FAM169A: variants seen among roughly 807,000 people sequenced by gnomAD.
FAM169A encodes family with sequence similarity 169 member A.
Under a neutral mutation model 75.7 loss-of-function variants are expected in FAM169A, and 24 were observed. That is an observed-to-expected ratio of 0.32 (90% CI 0.23 to 0.45). The LOEUF (loss-of-function observed/expected upper bound fraction) is 0.45, where lower values mean the gene tolerates loss of function less well. FAM169A is among the 20% of genes least tolerant of loss of function. The probability of loss-of-function intolerance (pLI) is 1.00; values close to 1 mark genes in which losing one functional copy is unlikely to be tolerated. For synonymous variants in FAM169A, 271 were observed against 271.0 expected (o/e 1.00, Z 0.00); for missense variants, 673 against 784.0 (o/e 0.86, Z 1.69).
At chr5:74,831,479 AC>A in intron 5 of FAM169A, among the ~76,000 whole-genome samples, 2 of 152,222 alleles carry the variant, frequency 1.3e-5, no homozygotes, top group South Asian at 4.1e-4. Context: ...AGATTGAATA[AC>A]CCTTACCCAA....
chr5:74,846,493 G>A (rs1749162556), intron 1 of FAM169A, among the ~76,000 whole-genome samples: 1 of 152,068 alleles, frequency 6.6e-6, no homozygotes. Context: ...ATGATACTAT[G>A]GTTCTTAGAA....
intron 1 of FAM169A, among the ~76,000 whole-genome samples, chr5:74,845,822 G>A (rs943570257): frequency 6.6e-6 from 1 of 152,124 alleles, no homozygotes; most frequent in Non-Finnish European, 1.5e-5. Context: ...GGTAGAAAAG[G>A]ATCACAAAAT....
intron 3 of FAM169A, among the ~76,000 whole-genome samples, chr5:74,839,807 A>C (rs2112669478): frequency 6.6e-6 from 1 of 152,270 alleles, no homozygotes. Context: ...TACAGGCATG[A>C]GCCACCGTGC....
rs1450072787 is a variant in FAM169A at position 74,783,052 on chromosome 5, G to T, written c.1343C>A (p.Thr448Asn). 1 of 1,613,490 alleles carries T rather than the reference G, an allele frequency of 6.2e-7. No individual in the cohort carries two copies. Among genetic ancestry groups the T allele is most frequent in the South Asian group, 1.1e-5 (1 of 91,082 alleles). ...TSLITEEEDS[T>N]SEVLDEELKL... ...TAATTCTTCATCTAAAACTTCACTA[G>T]TGGAGTCTTCCTCTTCTGTTATAAG... The change falls in exon 12 of 13, where the codon ACT becomes AAT. Residue 448 changes from threonine to asparagine, a missense_variant. Around this residue, in one of 3 missense-constraint regions of FAM169A, gnomAD observed 510 missense variants for 550.9 expected, o/e 0.93. Coordinates refer to ENST00000687041, the MANE Select transcript of FAM169A (RefSeq NM_001376049.1).
At chr5:74,786,491 G>A (rs542840512) in intron 11 of FAM169A, among the ~76,000 whole-genome samples, 28 of 152,244 alleles carry the variant, frequency 1.8e-4, no homozygotes, top group African/African-American at 6.5e-4. Flanking sequence ...TTAGAGTTAT[G>A]CAAAATAAAT....
chr5:74,829,082 A>G (rs1021232743), intron 5 of FAM169A, among the ~76,000 whole-genome samples: 1 of 152,224 alleles, frequency 6.6e-6, no homozygotes, highest in Non-Finnish European at 1.5e-5. Context: ...TAAAAATATT[A>G]CATAACTTAG....
intron 1 of FAM169A, among the ~76,000 whole-genome samples, chr5:74,864,596 T>C (rs937774276): frequency 2.0e-5 from 3 of 152,256 alleles, no homozygotes; most frequent in African/African-American, 7.2e-5. Flanking sequence ...GTCAGACTAA[T>C]TTGAAGCCTT....
chr5:74,816,465 C>T (rs62366421), intron 5 of FAM169A, among the ~76,000 whole-genome samples: 12,946 of 152,150 alleles, frequency 0.085, 685 homozygotes, highest in Admixed American at 0.17. Context: ...GTTTATGGAA[C>T]AAGCAGTGTG....
chr5:74,799,893 G>C, intron 10 of FAM169A: 1 of 964,330 alleles, frequency 1.0e-6, no homozygotes. Flanking sequence ...GTCTGCCATG[G>C]AATGCTTCTG....
intron 11 of FAM169A, among the ~76,000 whole-genome samples, chr5:74,791,353 C>A (rs1745965202): frequency 6.6e-6 from 1 of 152,208 alleles, no homozygotes; most frequent in Non-Finnish European, 1.5e-5. Context: ...ACCATCACCC[C>A]TAGTGATCCA....
chr5:74,799,160 C>A, intron 10 of FAM169A: 1 of 1,064,780 alleles, frequency 9.4e-7, no homozygotes, highest in African/African-American at 1.5e-5. Flanking sequence ...GGACACATCA[C>A]AGATATTGAC....
chr5:74,796,074 C>T lies in FAM169A; in HGVS notation c.1216G>A (p.Ala406Thr). The T allele has an allele frequency of 1.1e-5, 18 of 1,614,096 alleles. No individual in the cohort carries two copies. Among genetic ancestry groups the T allele is most frequent in the Non-Finnish European group, 1.5e-5 (18 of 1,179,988 alleles). ...TCTTGCTGTGGCTGGGTTTCCAGTG[C>T]TGGCCGTGCATCTCTATCACTGCTT... ...DESSDRDARP[A>T]LETQPQQEKQ... The change falls in exon 11 of 13, where the codon GCA becomes ACA. Residue 406 changes from alanine (A) to threonine (T), a missense_variant. Coordinates refer to ENST00000687041, the MANE Select transcript of FAM169A (RefSeq NM_001376049.1).
intron 1 of FAM169A, among the ~76,000 whole-genome samples, chr5:74,857,595 A>C (rs889938194): frequency 7.3e-6 from 1 of 137,250 alleles, no homozygotes; most frequent in East Asian, 2.0e-4. Flanking sequence ...AAAAAAAAAA[A>C]AAAAAAAAAC....
intron 6 of FAM169A, among the ~76,000 whole-genome samples, chr5:74,808,840 A>G (rs1747022260): frequency 6.6e-6 from 1 of 152,214 alleles, no homozygotes; most frequent in Admixed American, 6.5e-5. Flanking sequence ...CAATCAATAA[A>G]TATTGTATTT....
At chr5:74,827,684 T>C (rs2112626832) in intron 5 of FAM169A, among the ~76,000 whole-genome samples, 1 of 151,378 alleles carries the variant, frequency 6.6e-6, no homozygotes, top group South Asian at 2.1e-4. Context: ...TTTTTTTTTT[T>C]GAGATGGAGT....
intron 1 of FAM169A, among the ~76,000 whole-genome samples, chr5:74,857,666 TCTGTATATCTTTAAAGGGTAAAAGAA>T (rs150641535): frequency 0.024 from 3,599 of 151,514 alleles, 145 homozygotes; most frequent in African/African-American, 0.083. Flanking sequence ...TTAGACTTAT[TCTGTATATCTTTAAAGGGTAAAAGAA>T]CTGAGACTTT....
chr5:74,834,345 AAC>A, intron 5 of FAM169A, 79 bp downstream of exon 5: 1 of 790,564 alleles, frequency 1.3e-6, no homozygotes, highest in South Asian at 4.9e-5. Context: ...AGATTAATTT[AAC>A]AGAGATATTG....
intron 11 of FAM169A, among the ~76,000 whole-genome samples, chr5:74,793,966 G>A (rs969664122): frequency 6.3e-5 from 9 of 142,452 alleles, no homozygotes; most frequent in African/African-American, 2.4e-4. Context: ...TTGTGCCACT[G>A]CACTCCAGGC....
intron 5 of FAM169A, among the ~76,000 whole-genome samples, chr5:74,826,294 C>A (rs1748022793): frequency 6.6e-6 from 1 of 152,172 alleles, no homozygotes; most frequent in Non-Finnish European, 1.5e-5. Flanking sequence ...TTTTTCACAT[C>A]AGTGGCCTTC....
Sources: allele counts gnomAD v4.1 joint callset (sites outside exome capture counted in the v4.1 genomes callset), GRCh38; gene constraint gnomAD v4.1.1; regional missense constraint gnomAD v4.1.1; transcripts MANE v1.5; gene names NCBI Gene and HGNC (gene_info 2026-07-23, HGNC 2026-07-21).